The following TTC21B variants were observed in gnomAD, a reference collection of about 807,000 sequenced individuals.
The protein encoded by TTC21B is tetratricopeptide repeat protein 21B.
Under a neutral mutation model 175.1 loss-of-function variants are expected in TTC21B, and 127 were observed. That is an observed-to-expected ratio of 0.73 (90% CI 0.63 to 0.84). The LOEUF is 0.84. TTC21B is among the 40% of genes least tolerant of loss of function. The probability of loss-of-function intolerance (pLI) is 0.00; values close to 1 mark genes in which losing one functional copy is unlikely to be tolerated. For synonymous variants in TTC21B, 524 were observed against 524.5 expected (o/e 1.00, Z 0.01); for missense variants, 1,561 against 1,558.3 (o/e 1.00, Z -0.03).
intron 27 of TTC21B, among the ~76,000 whole-genome samples, chr2:165,878,170 T>A (rs1185747644): frequency 2.6e-5 from 4 of 152,230 alleles, no homozygotes; most frequent in Non-Finnish European, 5.9e-5. Flanking sequence ...TATTAGCATT[T>A]TTTAATGTAA....
At chr2:165,936,966 T>C (rs1352116760) in intron 6 of TTC21B, among the ~76,000 whole-genome samples, 1 of 151,898 alleles carries the variant, frequency 6.6e-6, no homozygotes, top group Non-Finnish European at 1.5e-5. Flanking sequence ...TCCAAAGGAG[T>C]TGAAAACTGA....
chr2:165,949,316 A>C, intron 3 of TTC21B, 78 bp downstream of exon 3: 1 of 1,034,448 alleles, frequency 9.7e-7, no homozygotes, highest in Admixed American at 1.7e-5. Flanking sequence ...GATCAGACTG[A>C]ATGACTTGGT....
rs767037992 is a variant in TTC21B, at chr2:165,888,288, T to C, written c.3450A>G (p.Ala1150=). ...EQALNTFTEI[A]ASEKEHIPAL... is the part of the protein sequence containing the mutation. Reference sequence around the variant, plus strand: ...AAGGAAATCCACTAACCTCAGATGCTGCTATTTCAGTGAAGGTATTTAATG... The same window carrying C: ...AAGGAAATCCACTAACCTCAGATGCCGCTATTTCAGTGAAGGTATTTAATG... Residue 1150 remains alanine (A), a synonymous_variant, in exon 25 of 29, where the codon GCA becomes GCG. Transcript: ENST00000243344. The C allele has an allele frequency of 1.8e-5, 29 of 1,612,568 alleles. No individual in the cohort carries two copies. The highest frequency in any genetic ancestry group is 2.5e-5 in the Non-Finnish European group (29 of 1,178,710).
At position 165,891,529 on chromosome 2, in the gene TTC21B, T is replaced by C. The variant is rs545909550; in HGVS notation, c.2951-541A>G. ...AGCTTACCATACTAGAACCTTAGCA[T>C]ATTAGTCCCCATATTTTAATCCTGT... is the stretch of plus-strand genomic sequence containing the variant. On this transcript the variant is annotated intron_variant, in intron 22 of 28. Coordinates refer to ENST00000243344, the MANE Select transcript of TTC21B (RefSeq NM_024753.5). Among the ~76,000 whole-genome samples, 3 of 152,244 alleles carry C rather than the reference T, an allele frequency of 2.0e-5. No homozygotes were observed. In the South Asian group the frequency reaches 6.2e-4, roughly 32 times the overall value.
intron 6 of TTC21B, chr2:165,933,741 CA>C (rs1318848115): frequency 3.9e-5 from 6 of 152,212 alleles, no homozygotes; most frequent in African/African-American, 1.4e-4. Context: ...TAACTAACTA[CA>C]AAAGTTGGAG....
intron 5 of TTC21B, 72 bp downstream of exon 5, chr2:165,943,147 G>T: frequency 6.6e-7 from 1 of 1,505,544 alleles, no homozygotes; most frequent in Non-Finnish European, 9.2e-7. Flanking sequence ...TGAGCTACTT[G>T]GTTTTGTCAG....
chr2:165,884,122 A>G (rs1403449384), intron 25 of TTC21B, 104 bp from the exon 26 acceptor site: 11 of 881,010 alleles, frequency 1.2e-5, no homozygotes, highest in Non-Finnish European at 2.0e-5. Flanking sequence ...TGTGGATTCT[A>G]TTTCTAGCTC....
chr2:165,880,649 G>T, intron 27 of TTC21B, 30 bp downstream of exon 27: 1 of 1,611,248 alleles, frequency 6.2e-7, no homozygotes, highest in Non-Finnish European at 8.5e-7. Context: ...TAATTTTTCT[G>T]TGAAAAATCT....
intron 15 of TTC21B, 51 bp from the exon 16 acceptor site, chr2:165,913,697 C>A: frequency 1.4e-6 from 2 of 1,437,760 alleles, no homozygotes; most frequent in South Asian, 1.2e-5. Flanking sequence ...ATATCTTCTT[C>A]CAAAAATAAA....
At chr2:165,929,072 T>C in intron 11 of TTC21B, 63 bp downstream of exon 11, 2 of 1,499,496 alleles carry the variant, frequency 1.3e-6, no homozygotes, top group Non-Finnish European at 1.9e-6. Flanking sequence ...AAGAAAACTT[T>C]TAAGTTCTTT....
chr2:165,907,029 C>G (rs911155578), intron 19 of TTC21B, among the ~76,000 whole-genome samples: 2 of 139,008 alleles, frequency 1.4e-5, no homozygotes, highest in Admixed American at 1.4e-4. Flanking sequence ...AAATCCTGAA[C>G]AAAATATTAT....
chr2:165,923,999 C>T (rs536356270), intron 12 of TTC21B, among the ~76,000 whole-genome samples: 3 of 152,110 alleles, frequency 2.0e-5, no homozygotes, highest in African/African-American at 4.8e-5. Flanking sequence ...GTAATCTGCT[C>T]GCTTTGGCCT....
At chr2:165,898,477 G>C in intron 22 of TTC21B, 1 of 621,930 alleles carries the variant, frequency 1.6e-6, no homozygotes. Context: ...GGATTACCAG[G>C]TTTGTGCTCA....
chr2:165,940,296 T>C (rs889377833), intron 6 of TTC21B, among the ~76,000 whole-genome samples: 1 of 152,162 alleles, frequency 6.6e-6, no homozygotes, highest in South Asian at 2.1e-4. Context: ...GTTTTGCACA[T>C]GGCAGAGTGA....
chr2:165,875,025 GAAC>G (rs1397329997), intron 28 of TTC21B, among the ~76,000 whole-genome samples, 193 bp from the exon 29 acceptor site: 2 of 152,008 alleles, frequency 1.3e-5, no homozygotes, highest in African/African-American at 4.8e-5. Flanking sequence ...AGTTAGATGA[GAAC>G]AATAGAATGT....
chr2:165,901,705 T>G lies in TTC21B; in HGVS notation c.2757+17A>C, dbSNP rs775173807. On this transcript the variant is annotated intron_variant, in intron 20 of 28. Transcript: ENST00000243344. ...ATCTGGAATAAAAGGTATTTAAAAT[T>G]TTATAAAGGTACTGACCTTATTATC... 6.2e-7 allele frequency: 1 copy of G among 1,610,280 alleles called. No homozygotes were observed. The highest frequency in any genetic ancestry group is 2.2e-5 in the East Asian group (1 of 44,848).
Position 165,917,446 on chromosome 2 carries a change from AGCTTT to A in TTC21B, c.1705_1709del (p.Lys569SerfsTer14). ...TTTCTCCCATTTTCTTTTGTGACTG[AGCTTT>A]TATCAAATGGTATAAAGGATAGTCT... On this transcript the variant is annotated frameshift_variant, in exon 14 of 29. Coordinates refer to ENST00000243344, the MANE Select transcript of TTC21B (RefSeq NM_024753.5). LOFTEE classifies it high-confidence loss of function. 6.2e-7 allele frequency: 1 copy of A among 1,613,784 alleles called. No individual in the cohort carries two copies. The highest frequency in any genetic ancestry group is 8.5e-7 in the Non-Finnish European group (1 of 1,179,848).
intron 15 of TTC21B, among the ~76,000 whole-genome samples, chr2:165,914,277 T>G (rs369238077): frequency 3.9e-5 from 6 of 152,218 alleles, no homozygotes; most frequent in Admixed American, 1.3e-4. Context: ...GCAGCTGATG[T>G]GTCAGATCTT....
chr2:165,949,706 A>G lies in TTC21B; in HGVS notation c.40T>C (p.Cys14Arg), dbSNP rs780354129. The change falls in exon 2 of 29, where the codon TGT becomes CGT. Residue 14 changes from cysteine (C) to arginine (R), a missense_variant. Cys to Arg is a radical substitution (Grantham distance 180). Coordinates refer to ENST00000243344, the MANE Select transcript of TTC21B (RefSeq NM_024753.5). Reference protein sequence around the residue: ...QELKTLINYYCQERYFHHVLL... With the variant: ...QELKTLINYYRQERYFHHVLL... ...ACATGATGGAAATATCTCTCTTGAC[A>G]ATAGTAATTAATCAAAGTCTAAATG... is the stretch of plus-strand genomic sequence containing the variant. 15 of 1,611,484 alleles carry G rather than the reference A, an allele frequency of 9.3e-6. No homozygotes were observed. Among genetic ancestry groups the G allele is most frequent in the Non-Finnish European group, 1.2e-5 (14 of 1,178,280 alleles).
Sources: gnomAD v4.1 joint callset for allele counts (sites outside exome capture counted in the v4.1 genomes callset) on GRCh38, gnomAD v4.1.1 for gene constraint, MANE v1.5 for transcripts, NCBI Gene and HGNC (gene_info 2026-07-23, HGNC 2026-07-21) for gene names.